PLA2G4B: variants seen among roughly 807,000 people sequenced by gnomAD.
The protein encoded by PLA2G4B is phospholipase A2 group IVB.
Under a neutral mutation model 95.8 loss-of-function variants are expected in PLA2G4B, and 122 were observed. That is an observed-to-expected ratio of 1.27 (90% CI 1.10 to 1.48). The LOEUF is 1.48. Among genes scored for constraint, PLA2G4B ranks in the 40% most tolerant of loss-of-function variants. The pLI is 0.00. For missense variants in PLA2G4B, 1,158 were observed against 996.2 expected (o/e 1.16, Z -2.19); for synonymous variants, 518 against 421.5 (o/e 1.23, Z -2.80).
At chr15:41,846,976 G>T in intron 18 of PLA2G4B, 141 bp downstream of exon 18, 1 of 1,219,760 alleles carries the variant, frequency 8.2e-7, no homozygotes, top group Non-Finnish European at 1.1e-6. Context: ...TGCCACCAGA[G>T]GAGCTCATTC....
At chr15:41,843,034 C>T (rs2065463615) in intron 10 of PLA2G4B, 1 of 167,910 alleles carries the variant, frequency 6.0e-6, no homozygotes, top group African/African-American at 2.4e-5. Context: ...TGGCTTCTCA[C>T]CTCACAGACA....
At chr15:41,839,752 C>T (rs1432358654) in intron 1 of PLA2G4B, 4 of 192,782 alleles carry the variant, frequency 2.1e-5, no homozygotes, top group Admixed American at 1.1e-4. Flanking sequence ...GATACTAGCC[C>T]GAGAAGGTGG....
intron 1 of PLA2G4B, 185 bp downstream of exon 1, chr15:41,839,107 C>T: frequency 2.0e-6 from 1 of 501,124 alleles, no homozygotes; most frequent in Admixed American, 3.5e-5. Flanking sequence ...GGGATCCGTC[C>T]TGAGTGTTTT....
chr15:41,846,674 A>T lies in PLA2G4B; in HGVS notation c.1786A>T (p.Thr596Ser). 1 of 1,605,978 alleles carries T rather than the reference A, an allele frequency of 6.2e-7. No homozygotes were observed. Among genetic ancestry groups the T allele is most frequent in the Non-Finnish European group, 8.5e-7 (1 of 1,174,796 alleles). The change falls in exon 18 of 20, where the codon ACT becomes TCT. Residue 596 changes from threonine (T) to serine (S), a missense_variant. By Grantham distance (58) the Thr-to-Ser change is moderately conservative. Transcript: ENST00000458483. ...TGCTCTCCCCAACCTTCCAGCTACC[A>T]CTCTGGATGGGCTCCCCAACCAGCT... The part of the protein sequence containing the change: ...HPHFSTWKAT[T>S]LDGLPNQLTP...
At chr15:41,842,159 A>G (rs775557824) in intron 8 of PLA2G4B, 34 bp from the exon 9 acceptor site, 1 of 1,612,050 alleles carries the variant, frequency 6.2e-7, no homozygotes, top group South Asian at 1.1e-5. Context: ...GGAAGCGTAA[A>G]GATTCTTAGG....
chr15:41,840,980 G>A (rs1006925291), intron 4 of PLA2G4B, 75 bp downstream of exon 4: 71 of 1,580,986 alleles, frequency 4.5e-5, no homozygotes, highest in Non-Finnish European at 5.3e-5. Flanking sequence ...GCACACACAC[G>A]CATGTCTCTC....
chr15:41,847,450 C>T lies in PLA2G4B; in HGVS notation c.2061C>T (p.Pro687=). 3 of 1,613,438 alleles carry T rather than the reference C, an allele frequency of 1.9e-6. No homozygotes were observed. Among genetic ancestry groups the T allele is most frequent in the South Asian group, 1.1e-5 (1 of 91,070 alleles). The change falls in exon 19 of 20, where the codon CCC becomes CCT. Residue 687 remains proline, a synonymous_variant. Transcript: ENST00000458483. ...QPRECHTFSD[P]TCPGAPAVLH... is the part of the protein sequence containing the mutation. ...GGGAGTGCCACACCTTCTCCGACCC[C>T]ACCTGCCCCGGAGCCCCTGCGGTGC...
At chr15:41,844,671 C>G (rs1194856453) in intron 12 of PLA2G4B, 64 bp downstream of exon 12, 1 of 1,609,608 alleles carries the variant, frequency 6.2e-7, no homozygotes, top group Non-Finnish European at 8.5e-7. Flanking sequence ...CAGGGTTCTC[C>G]TAGGCCTCTG....
chr15:41,847,715 A>AC lies in PLA2G4B; in HGVS notation c.2203dup (p.His735ProfsTer65), dbSNP rs2065596232. On this transcript the variant is annotated frameshift_variant, in exon 20 of 20. Transcript: ENST00000458483. LOFTEE classifies it low-confidence loss of function (END_TRUNC). ...AACCTGTCTTCATCGGACTCTCCCT[A>AC]CCACTACACGAAGGTGACCTACAGC... 2 of 1,613,056 alleles carry AC rather than the reference A, an allele frequency of 1.2e-6. No homozygotes were observed. The highest frequency in any genetic ancestry group is 1.7e-6 in the Non-Finnish European group (2 of 1,180,024).
At chr15:41,847,191 A>C (rs2065575093) in intron 18 of PLA2G4B, 146 bp from the exon 19 acceptor site, 2 of 1,151,552 alleles carry the variant, frequency 1.7e-6, no homozygotes, top group East Asian at 2.8e-5. Flanking sequence ...AGGTGTGGAG[A>C]GTTTTTTTCC....
At position 41,846,014 on chromosome 15, in the gene PLA2G4B, T is replaced by TG. The variant is rs1567172506; in HGVS notation, c.1570dup (p.Asp524GlyfsTer32). 3 of 1,535,934 alleles carry TG rather than the reference T, an allele frequency of 2.0e-6. No homozygotes were observed. Among genetic ancestry groups the TG allele is most frequent in the Non-Finnish European group, 2.6e-6 (3 of 1,141,912 alleles). On this transcript the variant is annotated frameshift_variant, in exon 16 of 20. Coordinates refer to ENST00000458483, the MANE Select transcript of PLA2G4B (RefSeq NM_001114633.2). LOFTEE classifies it high-confidence loss of function. ...CTGGGCCTCAGAGCCCAGCCAGTTC[T>TG]GGGACCGCTGGGTCAGGAACCAGGC...
At position 41,847,540 on chromosome 15, in the gene PLA2G4B, C is replaced by A. The variant is rs761405104; in HGVS notation, c.2134+17C>A. 1.2e-6 allele frequency: 2 copies of A among 1,602,410 alleles called. No homozygotes were observed. Among genetic ancestry groups the A allele is most frequent in the Non-Finnish European group, 1.7e-6 (2 of 1,171,974 alleles). ...CGGCCCCTGGTGAGCTGCTGTTCAC[C>A]TCCCCATCCTGCTGCCCCAGTCCCC... On this transcript the variant is annotated intron_variant, in intron 19 of 19. Transcript: ENST00000458483.
At chr15:41,847,121 G>GGAAT (rs2065573136) in intron 18 of PLA2G4B, among the ~76,000 whole-genome samples, 1 of 152,178 alleles carries the variant, frequency 6.6e-6, no homozygotes, top group Non-Finnish European at 1.5e-5. Flanking sequence ...TGTCAGAACT[G>GGAAT]GAATGCTGGG....
At chr15:41,845,579 TG>T in intron 14 of PLA2G4B, 58 bp from the exon 15 acceptor site, 2 of 1,602,436 alleles carry the variant, frequency 1.2e-6, no homozygotes, top group Admixed American at 1.7e-5. Context: ...TGGGTCGGGG[TG>T]GGGGTGTGGG....
At chr15:41,841,610 G>C in intron 7 of PLA2G4B, 39 bp downstream of exon 7, 1 of 1,613,546 alleles carries the variant, frequency 6.2e-7, no homozygotes, top group Admixed American at 1.7e-5. Context: ...CTGGCTCTCA[G>C]CTCTTGTCTT....
Position 41,843,800 on chromosome 15 carries a change from CAGG to C in PLA2G4B, c.873_875del (p.Glu291del). ...GGCCCTGCAGCTGGACGGAGACCTG[CAGG>C]AGGATGAGGTTTGGGGGCTGGGCTG... On this transcript the variant is annotated inframe_deletion, in exon 11 of 20. Coordinates refer to ENST00000458483, the MANE Select transcript of PLA2G4B (RefSeq NM_001114633.2). 6.2e-7 allele frequency: 1 copy of C among 1,613,854 alleles called. No homozygotes were observed. The highest frequency in any genetic ancestry group is 1.1e-5 in the South Asian group (1 of 91,072).
At chr15:41,840,097 G>A in intron 1 of PLA2G4B, 61 bp from the exon 2 acceptor site, 7 of 1,582,032 alleles carry the variant, frequency 4.4e-6, no homozygotes, top group East Asian at 2.3e-5. Flanking sequence ...CCTCCTTTGT[G>A]GCCCCTGTCA....
intron 10 of PLA2G4B, 48 bp from the exon 11 acceptor site, chr15:41,843,628 C>G: frequency 6.3e-7 from 1 of 1,591,436 alleles, no homozygotes; most frequent in Non-Finnish European, 8.6e-7. Context: ...TTTCCATTCT[C>G]TGGGGAGGGT....
intron 18 of PLA2G4B, 143 bp from the exon 19 acceptor site, chr15:41,847,194 T>C: frequency 1.7e-6 from 2 of 1,195,702 alleles, no homozygotes. Flanking sequence ...TGTGGAGAGT[T>C]TTTTTCCAAC....
Sources: gnomAD v4.1 joint callset for allele counts (sites outside exome capture counted in the v4.1 genomes callset) on GRCh38, gnomAD v4.1.1 for gene constraint, MANE v1.5 for transcripts, NCBI Gene and HGNC (gene_info 2026-07-23, HGNC 2026-07-21) for gene names.